The following BCKDK variants were observed in gnomAD, a reference collection of about 807,000 sequenced individuals.
BCKDK encodes branched-chain alpha-ketoacid dehydrogenase kinase.
Under a neutral mutation model 43.9 loss-of-function variants are expected in BCKDK, and 28 were observed. The ratio of observed to expected loss-of-function variants is 0.64; its 90% CI spans 0.47 to 0.87. The LOEUF (loss-of-function observed/expected upper bound fraction) is 0.87, where lower values mean the gene tolerates loss of function less well. Ranked by LOEUF, BCKDK falls within the 40% of genes least tolerant of loss-of-function variation. The probability of loss-of-function intolerance (pLI) is 0.00; values close to 1 mark genes in which losing one functional copy is unlikely to be tolerated. For missense variants in BCKDK, 483 were observed against 581.4 expected (o/e 0.83, Z 1.74); for synonymous variants, 257 against 234.3 (o/e 1.10, Z -0.88).
Position 31,111,898 on chromosome 16 carries a change from A to G in BCKDK, c.965A>G (p.His322Arg). ...RISDRGGGIA[H>R]KDLDRVMDYH... ...TCAGACCGTGGTGGAGGAATCGCTC[A>G]CAAAGATCTGGACCGGGTCATGGAC... is the stretch of plus-strand genomic sequence containing the variant. Residue 322 changes from histidine to arginine, a missense_variant, in exon 11 of 12, where the codon CAC becomes CGC. Transcript: ENST00000219794. The G allele has an allele frequency of 6.2e-7, 1 of 1,614,186 alleles. No homozygotes were observed. Among genetic ancestry groups the G allele is most frequent in the Non-Finnish European group, 8.5e-7 (1 of 1,180,022 alleles).
At position 31,112,156 on chromosome 16, in the gene BCKDK, C is replaced by G. The variant is rs1392663833; in HGVS notation, c.1130C>G (p.Ala377Gly). The change falls in exon 12 of 12, where the codon GCG becomes GGG. Residue 377 changes from alanine to glycine, a missense_variant. Ala to Gly is a moderately conservative substitution (Grantham distance 60). Coordinates refer to ENST00000219794, the MANE Select transcript of BCKDK (RefSeq NM_005881.4). This position sits in a 1 kb window ranked among gnomAD's most constrained non-coding sequence, Gnocchi z 5.0. ...GFGLPTSRAY[A>G]EYLGGSLQLQ... ...GGGTTGCCCACGTCACGGGCCTACG[C>G]GGAGTACCTCGGTGGGTCTCTGCAG... The G allele has an allele frequency of 2.5e-6, 4 of 1,613,534 alleles. No homozygotes were observed. The highest frequency in any genetic ancestry group is 3.4e-6 in the Non-Finnish European group (4 of 1,179,926).
chr16:31,116,221 A>AT (rs1185959155), downstream of BCKDK, among the ~76,000 whole-genome samples: 1 of 139,224 alleles, frequency 7.2e-6, no homozygotes, highest in African/African-American at 2.7e-5. Context: ...CGGCCTTTTT[A>AT]TTTTTTTTGA....
Position 31,111,370 on chromosome 16 carries a change from G to T in BCKDK, c.916G>T (p.Asp306Tyr), listed in dbSNP as rs1306587828. 1.2e-6 allele frequency: 2 copies of T among 1,614,036 alleles called. No individual in the cohort carries two copies. The highest frequency in any genetic ancestry group is 1.7e-6 in the Non-Finnish European group (2 of 1,180,008). ...TGTGGTCATCACCATCGCCAACAATGATGTCGATCTGATCATCAGGTTTGC... is the reference window on the plus strand; with the variant it reads ...TGTGGTCATCACCATCGCCAACAATTATGTCGATCTGATCATCAGGTTTGC... ...PDVVITIANN[D>Y]VDLIIRISDR... The change falls in exon 10 of 12, where the codon GAT becomes TAT. Residue 306 changes from aspartate (D) to tyrosine (Y), a missense_variant. Asp to Tyr is a radical substitution (Grantham distance 160). Transcript: ENST00000219794.
chr16:31,113,973 G>A (rs2057431893), downstream of BCKDK, among the ~76,000 whole-genome samples: 1 of 152,198 alleles, frequency 6.6e-6, no homozygotes, highest in African/African-American at 2.4e-5. Flanking sequence ...GAAGGTAAGA[G>A]AGCTAAACCT....
chr16:31,116,055 G>A (rs940256101), downstream of BCKDK, among the ~76,000 whole-genome samples: 2 of 148,424 alleles, frequency 1.3e-5, no homozygotes, highest in Non-Finnish European at 3.0e-5. Context: ...GGGACTACAG[G>A]GGCCCGCCAC....
rs1242910520 is a variant in BCKDK at position 31,109,432 on chromosome 16, C to CA, written c.195+15dup. ...GCAGCGGAGAAGGTGCGCAAGGGGG[C>CA]AGCCAGCCCAGGGTCCGGGATGTAG... On this transcript the variant is annotated intron_variant, in intron 2 of 11. Transcript: ENST00000219794. The surrounding 1 kb of genome is among the most constrained non-coding windows in gnomAD (Gnocchi z 5.3). 1 of 1,611,674 alleles carries CA rather than the reference C, an allele frequency of 6.2e-7. No homozygotes were observed. Among genetic ancestry groups the CA allele is most frequent in the Non-Finnish European group, 8.5e-7 (1 of 1,178,588 alleles).
At chr16:31,117,503 G>C (rs1448523289), downstream of BCKDK, 2 of 449,482 alleles carry the variant, frequency 4.4e-6, no homozygotes, top group African/African-American at 2.0e-5. Flanking sequence ...GGAGCTCCAA[G>C]ACTGCCGCAC....
At chr16:31,113,673 A>G (rs1013963145), downstream of BCKDK, among the ~76,000 whole-genome samples, 1 of 152,046 alleles carries the variant, frequency 6.6e-6, no homozygotes, top group African/African-American at 2.4e-5. Context: ...ACAAAGCCCT[A>G]TGTTGCCCCG....
At chr16:31,117,572 T>G, downstream of BCKDK, 2 of 916,228 alleles carry the variant, frequency 2.2e-6, no homozygotes, top group African/African-American at 1.7e-5. Context: ...CGGCTCCTGC[T>G]ACATCACAGA....
rs1211928135 is a variant in BCKDK at position 31,110,896 on chromosome 16, A to G, written c.716+135A>G. The G allele has an allele frequency of 5.1e-6, 7 of 1,372,864 alleles. No homozygotes were observed. Among genetic ancestry groups the G allele is most frequent in the Non-Finnish European group, 7.1e-6 (7 of 984,684 alleles). 85.0% of individuals were successfully genotyped at this position (1,372,864 alleles called of 1,614,324 possible). A position where few individuals can be genotyped will look rare whatever the true frequency, so the allele number is the denominator to read the frequency against. Reference sequence around the variant, plus strand: ...GCACTATTGACATTTCCAGCCAGATAATTCTTTGTCACAGGGGCTGCCCCG... The same window carrying G: ...GCACTATTGACATTTCCAGCCAGATGATTCTTTGTCACAGGGGCTGCCCCG... On this transcript the variant is annotated intron_variant, in intron 8 of 11. Transcript: ENST00000219794. This position sits in a 1 kb window ranked among gnomAD's most constrained non-coding sequence, Gnocchi z 5.4.
In BCKDK at chr16:31,110,544, A is replaced by T; in HGVS notation, c.642+45A>T. ...GACCCACCTGGGAACATTAAGTGAGACAGAGGAGACTGGGCTGGGGATCCG... is the reference window on the plus strand; with the variant it reads ...GACCCACCTGGGAACATTAAGTGAGTCAGAGGAGACTGGGCTGGGGATCCG... On this transcript the variant is annotated intron_variant, in intron 7 of 11. Coordinates refer to ENST00000219794, the MANE Select transcript of BCKDK (RefSeq NM_005881.4). The surrounding 1 kb of genome is among the most constrained non-coding windows in gnomAD (Gnocchi z 5.4). The T allele has an allele frequency of 6.2e-7, 1 of 1,605,630 alleles. No homozygotes were observed. Among genetic ancestry groups the T allele is most frequent in the Non-Finnish European group, 8.5e-7 (1 of 1,172,802 alleles).
chr16:31,109,507 C>G lies in BCKDK; in HGVS notation c.196-4C>G. 6.2e-7 allele frequency: 1 copy of G among 1,614,118 alleles called. No individual in the cohort carries two copies. The highest frequency in any genetic ancestry group is 8.5e-7 in the Non-Finnish European group (1 of 1,180,018). ...CTCTGCTCAAGGCCTCTCTCCCTCTCTAGCCCTCAGTCCGCCTAACGCCCA... is the reference window on the plus strand; with the variant it reads ...CTCTGCTCAAGGCCTCTCTCCCTCTGTAGCCCTCAGTCCGCCTAACGCCCA... On this transcript the variant is annotated splice_region_variant and splice_polypyrimidine_tract_variant and intron_variant, in intron 2 of 11. Transcript: ENST00000219794. The surrounding 1 kb of genome is among the most constrained non-coding windows in gnomAD (Gnocchi z 5.3).
In BCKDK at chr16:31,110,916, G is replaced by A; in HGVS notation, c.716+155G>A. 1 of 1,319,522 alleles carries A rather than the reference G, an allele frequency of 7.6e-7. No individual in the cohort carries two copies. The highest frequency in any genetic ancestry group is 1.1e-6 in the Non-Finnish European group (1 of 946,046). The allele number at this position is 1,319,522 out of a possible 1,614,324, so 81.7% of individuals were successfully genotyped here. A position where few individuals can be genotyped will look rare whatever the true frequency, so the allele number is the denominator to read the frequency against. On this transcript the variant is annotated intron_variant, in intron 8 of 11. Coordinates refer to ENST00000219794, the MANE Select transcript of BCKDK (RefSeq NM_005881.4). The surrounding 1 kb of genome is among the most constrained non-coding windows in gnomAD (Gnocchi z 5.4). The stretch of plus-strand genomic sequence containing the variant: ...CAGATAATTCTTTGTCACAGGGGCT[G>A]CCCCGTGCACGTTAGGAAGTTCAGC...
In BCKDK at chr16:31,110,054, A is replaced by G. The variant is rs1596809082; in HGVS notation, c.376-23A>G. ...GCTCAGTGCCCATGCGGCTTTGTGA[A>G]TTCCCACACCTCTTCCTTGCAGCAT... On this transcript the variant is annotated intron_variant, in intron 4 of 11. Transcript: ENST00000219794. The surrounding 1 kb of genome is among the most constrained non-coding windows in gnomAD (Gnocchi z 5.4). 6.2e-7 allele frequency: 1 copy of G among 1,614,080 alleles called. No homozygotes were observed. The highest frequency in any genetic ancestry group is 2.2e-5 in the East Asian group (1 of 44,876).
At position 31,109,457 on chromosome 16, in the gene BCKDK, G is replaced by A; in HGVS notation, c.195+39G>A. The stretch of plus-strand genomic sequence containing the variant: ...CAGCCAGCCCAGGGTCCGGGATGTA[G>A]GCGGGAGGGAGAGTGTTGGGGGTTC... On this transcript the variant is annotated intron_variant, in intron 2 of 11. Transcript: ENST00000219794. This position sits in a 1 kb window ranked among gnomAD's most constrained non-coding sequence, Gnocchi z 5.3. 6.2e-7 allele frequency: 1 copy of A among 1,613,474 alleles called. No homozygotes were observed. Among genetic ancestry groups the A allele is most frequent in the Non-Finnish European group, 8.5e-7 (1 of 1,179,772 alleles).
downstream of BCKDK, among the ~76,000 whole-genome samples, chr16:31,117,074 T>C (rs1377340512): frequency 6.6e-6 from 1 of 151,522 alleles, no homozygotes; most frequent in African/African-American, 2.4e-5. Flanking sequence ...ACCAGGGCCT[T>C]TAAAAAGGTT....
In BCKDK at chr16:31,110,409, G is replaced by C. The variant is rs774214869; in HGVS notation, c.552G>C (p.Lys184Asn). 3.8e-5 allele frequency: 61 copies of C among 1,613,858 alleles called. No homozygotes were observed. The Admixed American group carries it at 6.3e-4, about 17-fold the overall frequency. The change falls in exon 7 of 12, where the codon AAG (lysine) becomes AAC (asparagine). Residue 184 changes from lysine to asparagine, a missense_variant. Coordinates refer to ENST00000219794, the MANE Select transcript of BCKDK (RefSeq NM_005881.4). The surrounding 1 kb of genome is among the most constrained non-coding windows in gnomAD (Gnocchi z 5.4). ...RESRKHIEDE[K>N]LVRYFLDKTL... Reference sequence around the variant, plus strand: ...GACCTCACTCTTTACAGGATGAAAAGCTCGTCCGCTACTTCTTGGACAAGA... The same window carrying C: ...GACCTCACTCTTTACAGGATGAAAACCTCGTCCGCTACTTCTTGGACAAGA...
At chr16:31,117,392 A>AT (rs1218507482), downstream of BCKDK, 1 of 206,072 alleles carries the variant, frequency 4.9e-6, no homozygotes, top group Non-Finnish European at 9.6e-6. Flanking sequence ...AAATAAATAA[A>AT]TAAATAAATT....
downstream of BCKDK, among the ~76,000 whole-genome samples, chr16:31,116,440 G>A (rs988113542): frequency 6.9e-6 from 1 of 145,222 alleles, no homozygotes; most frequent in Non-Finnish European, 1.5e-5. Flanking sequence ...CTCGATCTCC[G>A]CCCGCCTCGG....
Sources: gnomAD v4.1 joint callset for allele counts (sites outside exome capture counted in the v4.1 genomes callset) on GRCh38, gnomAD v4.1.1 for gene constraint, Gnocchi (gnomAD v3.1) non-coding constraint, MANE v1.5 for transcripts, NCBI Gene and HGNC (gene_info 2026-07-23, HGNC 2026-07-21) for gene names.